The following SHISA4 variants were observed in gnomAD, a reference collection of about 807,000 sequenced individuals.
The protein encoded by SHISA4 is protein shisa-4.
A neutral mutation model predicts 24.2 loss-of-function variants in SHISA4; 16 were observed. The observed-to-expected ratio is 0.66, with a 90% confidence interval of 0.45 to 1.00. SHISA4 has a LOEUF of 1.00. SHISA4 is among the 50% of genes least tolerant of loss of function. The probability of loss-of-function intolerance (pLI) is 0.00; values close to 1 mark genes in which losing one functional copy is unlikely to be tolerated. For missense variants in SHISA4, 238 were observed against 258.9 expected (o/e 0.92, Z 0.55); for synonymous variants, 106 against 105.4 (o/e 1.01, Z -0.04).
chr1:201,889,942 G>T (rs1310665632), intron 2 of SHISA4, among the ~76,000 whole-genome samples: 1 of 152,158 alleles, frequency 6.6e-6, no homozygotes, highest in African/African-American at 2.4e-5. Context: ...TAGCTTTGTG[G>T]AAGAAGCTCT....
chr1:201,888,732 G>C (rs1269851952), upstream of SHISA4: 1 of 355,300 alleles, frequency 2.8e-6, no homozygotes, highest in Non-Finnish European at 5.0e-6. Flanking sequence ...GGGACAGGGG[G>C]AGCAGGGCAG....
intron 4 of SHISA4, 114 bp downstream of exon 4, chr1:201,891,682 A>G (rs1681102871): frequency 1.1e-5 from 17 of 1,541,234 alleles, no homozygotes; most frequent in Non-Finnish European, 1.5e-5. Flanking sequence ...CTCCACCTCT[A>G]GCCCGAAACC....
At chr1:201,890,767 G>A (rs1681078833) in intron 3 of SHISA4, among the ~76,000 whole-genome samples, 180 bp downstream of exon 3, 1 of 152,156 alleles carries the variant, frequency 6.6e-6, no homozygotes, top group African/African-American at 2.4e-5. Flanking sequence ...AATGTGCCTG[G>A]GATATATGGA....
At chr1:201,890,710 G>C (rs1350738068) in intron 3 of SHISA4, 123 bp downstream of exon 3, 1 of 1,324,838 alleles carries the variant, frequency 7.5e-7, no homozygotes, top group East Asian at 2.3e-5. Context: ...ACACACACCT[G>C]CCAGCATGAA....
At chr1:201,889,162 AC>A in intron 1 of SHISA4, 95 bp downstream of exon 1, 1 of 1,197,372 alleles carries the variant, frequency 8.4e-7, no homozygotes, top group Non-Finnish European at 1.1e-6. Flanking sequence ...CTTCTCCGAG[AC>A]CCTCCGGCTG....
chr1:201,891,126 C>T (rs1310733755), intron 3 of SHISA4, among the ~76,000 whole-genome samples: 1 of 152,124 alleles, frequency 6.6e-6, no homozygotes, highest in Non-Finnish European at 1.5e-5. Context: ...CCCCTTCTTG[C>T]CCAAGTGAGA....
chr1:201,889,389 C>A, intron 1 of SHISA4, 56 bp from the exon 2 acceptor site: 1 of 1,597,880 alleles, frequency 6.3e-7, no homozygotes, highest in Non-Finnish European at 8.5e-7. Flanking sequence ...GGGCCGAGCG[C>A]GGCTGGGGAT....
rs766594144 is a variant in SHISA4, at chr1:201,891,834, C to A, written c.582C>A (p.Tyr194Ter). ...PPPYMPPQPS[Y>*]PGA Reference sequence around the variant, plus strand: ...CCTATATGCCACCACAGCCCTCTTACCCGGGAGCCTGAGGAACCAGCCATG... The same window carrying A: ...CCTATATGCCACCACAGCCCTCTTAACCGGGAGCCTGAGGAACCAGCCATG... Residue 194 changes from tyrosine to a stop codon, truncating the protein, a stop_gained, in exon 5 of 5, where the codon TAC becomes TAA. Transcript: ENST00000362011. LOFTEE classifies it high-confidence loss of function. 6.2e-7 allele frequency: 1 copy of A among 1,613,996 alleles called. No homozygotes were observed. Among genetic ancestry groups the A allele is most frequent in the Non-Finnish European group, 8.5e-7 (1 of 1,179,994 alleles).
chr1:201,889,106 G>C, intron 1 of SHISA4, 39 bp downstream of exon 1: 1 of 1,387,026 alleles, frequency 7.2e-7, no homozygotes, highest in Non-Finnish European at 9.4e-7. Context: ...AGTGGGATGG[G>C]GGCGGAGGAA....
Position 201,891,475 on chromosome 1 carries a change from G to A in SHISA4, c.454G>A (p.Ala152Thr), listed in dbSNP as rs1306725887. Residue 152 changes from alanine (A) to threonine (T), a missense_variant, in exon 4 of 5, where the codon GCA becomes ACA. Coordinates refer to ENST00000362011, the MANE Select transcript of SHISA4 (RefSeq NM_198149.3). ...PYPQDPKAGPAPPQPGFIYPP... is the reference protein window; with the variant it reads ...PYPQDPKAGPTPPQPGFIYPP... ...CCCCCAGGACCCCAAAGCTGGCCCT[G>A]CACCCCCACAGCCTGGCTTCATATA... The A allele has an allele frequency of 6.2e-7, 1 of 1,613,776 alleles. No homozygotes were observed. Among genetic ancestry groups the A allele is most frequent in the Non-Finnish European group, 8.5e-7 (1 of 1,179,878 alleles).
chr1:201,891,624 G>T (rs1235080285), intron 4 of SHISA4, 56 bp downstream of exon 4: 2 of 1,562,042 alleles, frequency 1.3e-6, no homozygotes, highest in South Asian at 2.3e-5. Context: ...CTTGCCCTGC[G>T]ACCTCCCCTG....
rs1471893143 is a variant in SHISA4, at chr1:201,889,632, C to T, written c.245+16C>T. ...TGGCCTTCAGGTGGGTTCCTGCCTC[C>T]TCACCCTCACCACCTCCTCTATCCT... On this transcript the variant is annotated intron_variant, in intron 2 of 4. Transcript: ENST00000362011. The T allele has an allele frequency of 1.2e-6, 2 of 1,612,582 alleles. No individual in the cohort carries two copies. The highest frequency in any genetic ancestry group is 1.7e-6 in the Non-Finnish European group (2 of 1,179,720).
rs1367793799 is a variant in SHISA4 at position 201,889,180 on chromosome 1, G to A, written c.73+113G>A. On this transcript the variant is annotated intron_variant, in intron 1 of 4. Transcript: ENST00000362011. ...CTCCGAGACCCTCCGGCTGCCACGG[G>A]AGCCTTGGGTGTTGCTGGGTCCTCA... is the stretch of plus-strand genomic sequence containing the variant. The A allele has an allele frequency of 5.4e-6, 6 of 1,104,300 alleles. No homozygotes were observed. In the Admixed American group the frequency reaches 1.8e-4, roughly 33 times the overall value. 68.4% of individuals were successfully genotyped at this position (1,104,300 alleles called of 1,614,324 possible).
At chr1:201,891,316 G>C (rs527931268) in intron 3 of SHISA4, 85 bp from the exon 4 acceptor site, 1 of 1,551,280 alleles carries the variant, frequency 6.4e-7, no homozygotes, top group South Asian at 1.1e-5. Flanking sequence ...CAGCACCAGG[G>C]TGCTTACCTT....
rs958715437 is a variant in SHISA4 at position 201,892,046 on chromosome 1, G to A, written c.*200G>A. ...TGAACTAGAACTATGAGGGGTTGGG[G>A]GGAGGGCTTGGAATTATGGGCTATT... On this transcript the variant is annotated 3_prime_UTR_variant, in exon 5 of 5. Coordinates refer to ENST00000362011, the MANE Select transcript of SHISA4 (RefSeq NM_198149.3). 1.1e-4 allele frequency: 69 copies of A among 617,156 alleles called. No homozygotes were observed. Among genetic ancestry groups the A allele is most frequent in the Non-Finnish European group, 1.7e-4 (59 of 351,222 alleles). 38.2% of individuals were successfully genotyped at this position (617,156 alleles called of 1,614,324 possible).
chr1:201,891,977 TG>T lies in SHISA4; in HGVS notation c.*134del. ...CCAGGCCCCAGACCAAGCCAAGCCC[TG>T]GGCCCTACTGGGGACAGAGCCCCAG... On this transcript the variant is annotated 3_prime_UTR_variant, in exon 5 of 5. Coordinates refer to ENST00000362011, the MANE Select transcript of SHISA4 (RefSeq NM_198149.3). 2 of 1,016,306 alleles carry T rather than the reference TG, an allele frequency of 2.0e-6. No homozygotes were observed. The highest frequency in any genetic ancestry group is 3.6e-5 in the Admixed American group (2 of 55,554). 63.0% of individuals were successfully genotyped at this position (1,016,306 alleles called of 1,614,324 possible).
In SHISA4 at chr1:201,889,373, G is replaced by A. The variant is rs561876646; in HGVS notation, c.74-72G>A. The A allele has an allele frequency of 9.1e-5, 145 of 1,585,476 alleles. No individual in the cohort carries two copies. The African/African-American group carries it at 1.7e-3, about 18-fold the overall frequency. On this transcript the variant is annotated intron_variant, in intron 1 of 4. Coordinates refer to ENST00000362011, the MANE Select transcript of SHISA4 (RefSeq NM_198149.3). The stretch of plus-strand genomic sequence containing the variant: ...AGCCGTCAGGCTGGGGACCGCCGGG[G>A]GAGTGGGGCCGAGCGCGGCTGGGGA...
chr1:201,890,507 T>C lies in SHISA4; in HGVS notation c.299T>C (p.Val100Ala), dbSNP rs1681073973. 1.9e-6 allele frequency: 3 copies of C among 1,614,260 alleles called. No homozygotes were observed. Among genetic ancestry groups the C allele is most frequent in the Non-Finnish European group, 2.5e-6 (3 of 1,180,048 alleles). The change falls in exon 3 of 5, where the codon GTT (valine) becomes GCT (alanine). Residue 100 changes from valine (V) to alanine (A), a missense_variant. Physicochemically the swap from Val to Ala is moderately conservative, Grantham distance 64. Coordinates refer to ENST00000362011, the MANE Select transcript of SHISA4 (RefSeq NM_198149.3). The stretch of plus-strand genomic sequence containing the variant: ...GCTGTGATCCTCTTTGTTGCTGTGG[T>C]TGCCACCACCATCTGCTGCTTCCTC... ...ASAVILFVAV[V>A]ATTICCFLCS...
intron 3 of SHISA4, among the ~76,000 whole-genome samples, chr1:201,891,009 A>G (rs1169728020): frequency 6.6e-6 from 1 of 152,210 alleles, no homozygotes; most frequent in African/African-American, 2.4e-5. Context: ...CCTGATGGAC[A>G]TGGGGACAGT....
Sources: allele counts gnomAD v4.1 joint callset (sites outside exome capture counted in the v4.1 genomes callset), GRCh38; gene constraint gnomAD v4.1.1; transcripts MANE v1.5; gene names NCBI Gene and HGNC (gene_info 2026-07-23, HGNC 2026-07-21).